Variants in ALK observed in about 807,000 individuals in gnomAD.
ALK encodes the protein ALK tyrosine kinase receptor.
Under a neutral mutation model 163.1 loss-of-function variants are expected in ALK, and 74 were observed. The observed-to-expected ratio is 0.45, with a 90% CI of 0.38 to 0.55. The LOEUF (loss-of-function observed/expected upper bound fraction) is 0.55, where lower values mean the gene tolerates loss of function less well. Among genes scored for constraint, ALK ranks in the 20% least tolerant of loss-of-function variants. The pLI is 0.00. For missense variants in ALK, 2,063 were observed against 2,105.3 expected (o/e 0.98, Z 0.39); for synonymous variants, 960 against 843.2 (o/e 1.14, Z -2.40).
chr2:29,589,841 T>A (rs886261451), intron 3 of ALK, among the ~76,000 whole-genome samples: 3 of 152,216 alleles, frequency 2.0e-5, no homozygotes, highest in African/African-American at 7.2e-5. Context: ...TAAGTCAGAA[T>A]CAGCTGCCAA....
chr2:29,441,923 A>G (rs1670555684), intron 4 of ALK, among the ~76,000 whole-genome samples: 1 of 152,200 alleles, frequency 6.6e-6, no homozygotes, highest in Non-Finnish European at 1.5e-5. Context: ...AAAGAAAACA[A>G]CTTTCAGTTA....
chr2:29,296,825 T>G, intron 9 of ALK, 63 bp downstream of exon 9: 2 of 1,602,434 alleles, frequency 1.2e-6, no homozygotes, highest in Non-Finnish European at 8.5e-7. Flanking sequence ...AGGGAAGGCA[T>G]GATTTCTTTT....
At chr2:29,637,635 C>T (rs943331926) in intron 3 of ALK, among the ~76,000 whole-genome samples, 10 of 143,964 alleles carry the variant, frequency 6.9e-5, no homozygotes, top group East Asian at 6.2e-4. Context: ...CTTGAACCCA[C>T]GAGGTGGAGG....
At chr2:29,230,258 G>A (rs1478095974) in intron 15 of ALK, among the ~76,000 whole-genome samples, 1 of 151,056 alleles carries the variant, frequency 6.6e-6, no homozygotes, top group Non-Finnish European at 1.5e-5. Flanking sequence ...TAGGGAATAA[G>A]TCTGTACATG....
At chr2:29,903,343 T>C (rs1028944341) in intron 1 of ALK, among the ~76,000 whole-genome samples, 7 of 152,196 alleles carry the variant, frequency 4.6e-5, no homozygotes, top group African/African-American at 1.7e-4. Context: ...AGATAGTCCT[T>C]TTAATATACC....
At chr2:29,411,571 C>T (rs1212603385) in intron 4 of ALK, among the ~76,000 whole-genome samples, 1 of 152,198 alleles carries the variant, frequency 6.6e-6, no homozygotes, top group East Asian at 1.9e-4. Context: ...CTCAGTCTCC[C>T]AAGTAGCTGG....
intron 4 of ALK, among the ~76,000 whole-genome samples, chr2:29,456,174 G>C (rs780714953): frequency 2.0e-5 from 3 of 152,130 alleles, no homozygotes; most frequent in Non-Finnish European, 4.4e-5. Flanking sequence ...TCCTCAAAAA[G>C]TTAAACATAG....
chr2:29,919,086 A>G (rs6712256), intron 1 of ALK, among the ~76,000 whole-genome samples: 2,544 of 152,282 alleles, frequency 0.017, 72 homozygotes, highest in African/African-American at 0.059. Flanking sequence ...GAATATGGCA[A>G]GAAATGAGGG....
intron 4 of ALK, among the ~76,000 whole-genome samples, chr2:29,516,198 C>T (rs929990450): frequency 3.3e-5 from 5 of 152,174 alleles, no homozygotes; most frequent in Non-Finnish European, 7.3e-5. Context: ...CCAATTTTAC[C>T]TATGAATAGA....
At chr2:29,243,958 G>T (rs1664588726) in intron 12 of ALK, among the ~76,000 whole-genome samples, 1 of 151,992 alleles carries the variant, frequency 6.6e-6, no homozygotes, top group South Asian at 2.1e-4. Flanking sequence ...TGTTTATTGG[G>T]TTTGTGTTTT....
chr2:29,470,269 A>G (rs1236139710), intron 4 of ALK, among the ~76,000 whole-genome samples: 1 of 152,200 alleles, frequency 6.6e-6, no homozygotes, highest in Non-Finnish European at 1.5e-5. Context: ...AAGGTCTAAA[A>G]TACATATAAT....
chr2:29,920,471 G>T lies in ALK; in HGVS notation c.189C>A (p.Leu63=), dbSNP rs1298548615. The T allele has an allele frequency of 1.9e-6, 3 of 1,612,958 alleles. No homozygotes were observed. The South Asian group carries it at 3.3e-5, about 18-fold the overall frequency. Residue 63 remains leucine, a synonymous_variant, in exon 1 of 29, where the codon CTC becomes CTA. Coordinates refer to ENST00000389048, the MANE Select transcript of ALK (RefSeq NM_004304.5). ...SLAVDFVVPS[L]FRVYARDLLL... ...GTAGGTCCCGGGCGTAGACACGGAA[G>T]AGCGAGGGCACCACGAAGTCAACTG...
intron 3 of ALK, among the ~76,000 whole-genome samples, chr2:29,547,897 C>T (rs4575680): frequency 6.6e-6 from 1 of 152,326 alleles, no homozygotes. Context: ...GTGCATTTCA[C>T]ATTAATAACG....
intron 3 of ALK, among the ~76,000 whole-genome samples, chr2:29,533,501 T>G (rs1395768184): frequency 2.0e-5 from 3 of 151,590 alleles, no homozygotes; most frequent in African/African-American, 7.3e-5. Context: ...TCTCCTTGTT[T>G]CTTTTTCACT....
intron 5 of ALK, among the ~76,000 whole-genome samples, chr2:29,360,095 G>C (rs998025134): frequency 2.0e-5 from 3 of 152,158 alleles, no homozygotes; most frequent in African/African-American, 7.2e-5. Flanking sequence ...CTTCTTCTCA[G>C]GCAGAGCCTG....
intron 11 of ALK, among the ~76,000 whole-genome samples, chr2:29,254,695 C>T (rs10439520): frequency 0.022 from 3,297 of 152,244 alleles, 125 homozygotes; most frequent in African/African-American, 0.074. Flanking sequence ...GAGAATTAGA[C>T]GATGACCTAG....
chr2:29,897,213 G>A (rs914300798), intron 1 of ALK, among the ~76,000 whole-genome samples: 15 of 151,942 alleles, frequency 9.9e-5, no homozygotes, highest in African/African-American at 3.4e-4. Context: ...CCAGCTACTC[G>A]GAAGGCTGAG....
intron 4 of ALK, among the ~76,000 whole-genome samples, chr2:29,454,350 T>C (rs905250761): frequency 2.0e-5 from 3 of 152,198 alleles, no homozygotes; most frequent in Admixed American, 2.0e-4. Flanking sequence ...CCATATACTT[T>C]AAATCATCTC....
At chr2:29,233,323 T>A (rs956246264) in intron 14 of ALK, among the ~76,000 whole-genome samples, 6 of 152,242 alleles carry the variant, frequency 3.9e-5, no homozygotes, top group Admixed American at 3.9e-4. Flanking sequence ...TTAAATTTTT[T>A]TTGGTAGAGA....
Sources: allele counts gnomAD v4.1 joint callset (sites outside exome capture counted in the v4.1 genomes callset), GRCh38; gene constraint gnomAD v4.1.1; transcripts MANE v1.5; gene names NCBI Gene and HGNC (gene_info 2026-07-23, HGNC 2026-07-21).